NEGR1: variants seen among roughly 807,000 people sequenced by gnomAD.
The protein encoded by NEGR1 is neuronal growth regulator 1.
A neutral mutation model predicts 40.9 loss-of-function variants in NEGR1; 10 were observed. The ratio of observed to expected loss-of-function variants is 0.24; its 90% CI spans 0.15 to 0.42. The LOEUF is 0.42. Among genes scored for constraint, NEGR1 ranks in the 10% least tolerant of loss-of-function variants. NEGR1 has a pLI of 1.00. For synonymous variants in NEGR1, 185 were observed against 166.8 expected (o/e 1.11, Z -0.84); for missense variants, 352 against 438.9 (o/e 0.80, Z 1.77).
At chr1:71,722,200 C>T (rs572755775) in intron 3 of NEGR1, among the ~76,000 whole-genome samples, 8 of 152,160 alleles carry the variant, frequency 5.3e-5, no homozygotes, top group Non-Finnish European at 8.8e-5. Flanking sequence ...TAACAACTCA[C>T]GAACTGAGAT....
rs188327737 is a variant in NEGR1 at position 71,799,415 on chromosome 1, G to A, written c.410-23118C>T. Among the ~76,000 whole-genome samples the A allele has an allele frequency of 6.6e-5, 10 of 152,226 alleles. No individual in the cohort carries two copies. The East Asian group carries it at 1.5e-3, about 24-fold the overall frequency. ...CTAAATAGTATTTCATGGTGTATAC[G>A]TGCCACATTTTCTTTATCCAGTCTA... On this transcript the variant is annotated intron_variant, in intron 2 of 6. Transcript: ENST00000357731.
chr1:72,238,912 A>T (rs1279063865), intron 1 of NEGR1, among the ~76,000 whole-genome samples: 2 of 151,868 alleles, frequency 1.3e-5, no homozygotes, highest in Middle Eastern at 6.3e-3. Context: ...ATACCAGGGA[A>T]CCGGGGATCA....
chr1:71,426,461 C>G (rs1375117915), intron 6 of NEGR1, among the ~76,000 whole-genome samples: 1 of 152,140 alleles, frequency 6.6e-6, no homozygotes, highest in Non-Finnish European at 1.5e-5. Context: ...TTAAAAGTCA[C>G]GATGACAAAT....
At chr1:71,458,396 C>G (rs1395379476) in intron 6 of NEGR1, among the ~76,000 whole-genome samples, 2 of 152,222 alleles carry the variant, frequency 1.3e-5, no homozygotes, top group Non-Finnish European at 2.9e-5. Flanking sequence ...CTTGTAGGCT[C>G]TTTGATAACT....
chr1:72,163,763 T>TAG (rs373855784), intron 1 of NEGR1, among the ~76,000 whole-genome samples: 1 of 102,548 alleles, frequency 9.8e-6, no homozygotes, highest in Admixed American at 1.1e-4. Context: ...GATAGATAGA[T>TAG]ATAGATTTAG....
chr1:71,968,875 A>T (rs1646232980), intron 1 of NEGR1, among the ~76,000 whole-genome samples: 1 of 152,190 alleles, frequency 6.6e-6, no homozygotes. Context: ...GCTTGCTGTA[A>T]GAAGACATGA....
intron 1 of NEGR1, among the ~76,000 whole-genome samples, chr1:72,250,262 C>T (rs1280394250): frequency 6.6e-6 from 1 of 152,040 alleles, no homozygotes; most frequent in Non-Finnish European, 1.5e-5. Flanking sequence ...TCTCCCTTCC[C>T]AACAGCACCC....
intron 1 of NEGR1, among the ~76,000 whole-genome samples, chr1:72,085,331 C>T (rs1407393085): frequency 6.6e-6 from 1 of 152,130 alleles, no homozygotes; most frequent in Non-Finnish European, 1.5e-5. Flanking sequence ...TAGTACTAGC[C>T]TTGAAAATGT....
chr1:71,713,246 A>G (rs905877010), intron 3 of NEGR1, among the ~76,000 whole-genome samples: 1 of 152,144 alleles, frequency 6.6e-6, no homozygotes, highest in Non-Finnish European at 1.5e-5. Context: ...TGCCATATCG[A>G]TGTGTCTACT....
intron 6 of NEGR1, among the ~76,000 whole-genome samples, chr1:71,505,686 C>G (rs1351202530): frequency 6.6e-6 from 1 of 152,144 alleles, no homozygotes; most frequent in Non-Finnish European, 1.5e-5. Context: ...GACTAGGGAC[C>G]TCTTTGCCTT....
intron 2 of NEGR1, among the ~76,000 whole-genome samples, chr1:71,909,413 A>C (rs569430996): frequency 6.6e-6 from 1 of 152,334 alleles, no homozygotes; most frequent in African/African-American, 2.4e-5. Flanking sequence ...TAGCCTTTTA[A>C]TGTTTCCGGT....
intron 1 of NEGR1, among the ~76,000 whole-genome samples, chr1:72,106,260 A>G (rs964340760): frequency 6.6e-6 from 1 of 152,088 alleles, no homozygotes; most frequent in Non-Finnish European, 1.5e-5. Context: ...GGTATATTTG[A>G]AGTCTTACAG....
At chr1:71,992,949 T>A (rs1044432156) in intron 1 of NEGR1, among the ~76,000 whole-genome samples, 6 of 152,168 alleles carry the variant, frequency 3.9e-5, no homozygotes, top group African/African-American at 1.4e-4. Context: ...GAAATATGGG[T>A]TTTCCCTGTC....
intron 6 of NEGR1, among the ~76,000 whole-genome samples, chr1:71,565,529 A>G (rs1449061472): frequency 1.3e-5 from 2 of 152,142 alleles, no homozygotes; most frequent in Non-Finnish European, 2.9e-5. Context: ...ACATTTCCTC[A>G]TCAAGAACTC....
intron 3 of NEGR1, among the ~76,000 whole-genome samples, chr1:71,738,961 A>G (rs1386796919): frequency 6.6e-6 from 1 of 152,034 alleles, no homozygotes; most frequent in Non-Finnish European, 1.5e-5. Context: ...ATGACTAAGG[A>G]CAAAAAAGAG....
intron 2 of NEGR1, among the ~76,000 whole-genome samples, chr1:71,803,570 G>C (rs138759237): frequency 6.6e-6 from 1 of 152,022 alleles, no homozygotes; most frequent in Non-Finnish European, 1.5e-5. Context: ...TGGCTCAGGG[G>C]CTATAACTTG....
chr1:71,628,515 T>A (rs985648272), intron 4 of NEGR1, among the ~76,000 whole-genome samples: 1 of 152,004 alleles, frequency 6.6e-6, no homozygotes, highest in Non-Finnish European at 1.5e-5. Context: ...GCTGCACCCG[T>A]CAACCCATCA....
At chr1:71,742,113 T>C (rs1570282751) in intron 3 of NEGR1, among the ~76,000 whole-genome samples, 1 of 152,122 alleles carries the variant, frequency 6.6e-6, no homozygotes, top group African/African-American at 2.4e-5. Flanking sequence ...AGTGCACTTA[T>C]GAAAAGAGAC....
intron 1 of NEGR1, among the ~76,000 whole-genome samples, chr1:72,134,489 C>G (rs2630409): frequency 0.24 from 36,804 of 151,664 alleles, 4,787 homozygotes; most frequent in East Asian, 0.34. Flanking sequence ...CAAGCGTGAG[C>G]CACCGCACCT....
Sources: allele counts gnomAD v4.1 joint callset (sites outside exome capture counted in the v4.1 genomes callset), GRCh38; gene constraint gnomAD v4.1.1; transcripts MANE v1.5; gene names NCBI Gene and HGNC (gene_info 2026-07-23, HGNC 2026-07-21).